The following ZNF33B variants were observed in gnomAD, a reference collection of about 807,000 sequenced individuals.
ZNF33B encodes the protein zinc finger protein 33B, also known as zinc finger protein 11b (KOX 2).
In ZNF33B, 29 loss-of-function variants were observed where a neutral mutation model predicts 45.8. That is an observed-to-expected ratio of 0.63 (90% CI 0.47 to 0.86). The LOEUF is 0.86. Among genes scored for constraint, ZNF33B ranks in the 40% least tolerant of loss-of-function variants. The pLI, the probability that ZNF33B is intolerant of heterozygous loss-of-function variation, is 0.00. For missense variants in ZNF33B, 831 were observed against 909.9 expected, an observed-to-expected ratio of 0.91 and a Z score of 1.12; for synonymous variants, 305 against 307.8, an observed-to-expected ratio of 0.99 and a Z score of 0.10.
At chr10:42,600,489 T>G (rs1837573792) in intron 4 of ZNF33B, among the ~76,000 whole-genome samples, 1 of 152,196 alleles carries the variant, frequency 6.6e-6, no homozygotes, top group South Asian at 2.1e-4. Flanking sequence ...GTCACAGCAC[T>G]GCAGCCTTGT....
Position 42,630,043 on chromosome 10 carries a change from C to G in ZNF33B, c.250+1886G>C, listed in dbSNP as rs1276277657. On this transcript the variant is annotated intron_variant, in intron 4 of 4. Transcript: ENST00000359467. ...CATCAAAAATGATTCTAGAAACTCA[C>G]GAGAAAAATATATTTATCCCCATTT... Among the ~76,000 whole-genome samples, 3 of 152,258 alleles carry G rather than the reference C, an allele frequency of 2.0e-5. No homozygotes were observed. In the East Asian group the frequency reaches 5.8e-4, roughly 29 times the overall value.
At chr10:42,608,793 T>C (rs762855169) in intron 4 of ZNF33B, among the ~76,000 whole-genome samples, 1 of 146,254 alleles carries the variant, frequency 6.8e-6, no homozygotes, top group Non-Finnish European at 1.5e-5. Flanking sequence ...GATTATAGAG[T>C]AAAAATTAGT....
chr10:42,607,754 A>G (rs1837926605), intron 4 of ZNF33B, among the ~76,000 whole-genome samples: 1 of 152,180 alleles, frequency 6.6e-6, no homozygotes, highest in Non-Finnish European at 1.5e-5. Flanking sequence ...AAAAATAGTT[A>G]AGTTGAACCT....
chr10:42,581,419 G>A (rs7083254), intron 1 of ZNF33B, among the ~76,000 whole-genome samples: 16,926 of 141,314 alleles, frequency 0.12, 1,123 homozygotes, highest in African/African-American at 0.18. Flanking sequence ...AGCCCAGATC[G>A]CACCATTGCA....
At chr10:42,619,648 A>G (rs76845299) in intron 4 of ZNF33B, among the ~76,000 whole-genome samples, 6,179 of 152,312 alleles carry the variant, frequency 0.041, 187 homozygotes, top group Non-Finnish European at 0.057. Flanking sequence ...AGGACTTAAA[A>G]GACAAATGGA....
At chr10:42,619,207 T>C (rs919986998) in intron 4 of ZNF33B, among the ~76,000 whole-genome samples, 45 of 151,996 alleles carry the variant, frequency 3.0e-4, no homozygotes, top group African/African-American at 1.1e-3. Context: ...ACCAAGTGAA[T>C]GCTAAATCAG....
At chr10:42,574,777 C>T (rs1399600869) in intron 1 of ZNF33B, 1 of 152,112 alleles carries the variant, frequency 6.6e-6, no homozygotes, top group Non-Finnish European at 1.5e-5. Context: ...AGAAGGGGTA[C>T]AGTGGTTACG....
chr10:42,632,223 A>G, intron 3 of ZNF33B, 72 bp downstream of exon 3: 1 of 1,559,398 alleles, frequency 6.4e-7, no homozygotes. Flanking sequence ...ATTAAACTAG[A>G]CAGACTGCCT....
At chr10:42,607,833 G>C (rs1468095077) in intron 4 of ZNF33B, among the ~76,000 whole-genome samples, 1 of 152,140 alleles carries the variant, frequency 6.6e-6, no homozygotes, top group Non-Finnish European at 1.5e-5. Flanking sequence ...AAAATCATAA[G>C]TCAAACCATT....
chr10:42,611,062 T>G (rs1163426285), intron 4 of ZNF33B, among the ~76,000 whole-genome samples: 1 of 152,180 alleles, frequency 6.6e-6, no homozygotes, highest in African/African-American at 2.4e-5. Flanking sequence ...ATCCCCTTTT[T>G]GGCTGGTCGT....
chr10:42,602,167 T>G (rs940960787), intron 4 of ZNF33B, among the ~76,000 whole-genome samples: 26 of 152,138 alleles, frequency 1.7e-4, no homozygotes, highest in African/African-American at 6.3e-4. Flanking sequence ...GCTCAGGAGA[T>G]CCACCTGCCT....
chr10:42,591,285 A>T lies in ZNF33B; in HGVS notation c.*1328T>A, dbSNP rs1394996675. 9.9e-6 allele frequency: 9 copies of T among 910,732 alleles called. No individual in the cohort carries two copies. The highest frequency in any genetic ancestry group is 7.2e-5 in the African/African-American group (4 of 55,206). 56.4% of individuals were successfully genotyped at this position (910,732 alleles called of 1,614,324 possible). On this transcript the variant is annotated 3_prime_UTR_variant, in exon 5 of 5. Transcript: ENST00000359467. ...TCTTGGAGAGCAGCTGCTTAAAGAA[A>T]ATTTGGACTATCACTTACGCTGAAG...
intron 4 of ZNF33B, among the ~76,000 whole-genome samples, chr10:42,613,717 A>C (rs1482885911): frequency 2.0e-5 from 3 of 152,194 alleles, no homozygotes; most frequent in Admixed American, 6.5e-5. Flanking sequence ...CTTAAGAGAG[A>C]TACAGATGGT....
intron 4 of ZNF33B, among the ~76,000 whole-genome samples, chr10:42,613,159 A>C (rs1321936822): frequency 3.9e-5 from 6 of 152,366 alleles, no homozygotes; most frequent in South Asian, 2.1e-4. Flanking sequence ...TAAGTACTAT[A>C]TTTTAGTTGA....
intron 4 of ZNF33B, among the ~76,000 whole-genome samples, chr10:42,613,954 C>T (rs186847717): frequency 4.9e-4 from 74 of 152,268 alleles, no homozygotes; most frequent in African/African-American, 1.7e-3. Context: ...CTTGCAGTGA[C>T]AGAAAGAAAG....
intron 4 of ZNF33B, among the ~76,000 whole-genome samples, chr10:42,604,548 C>A (rs1436318552): frequency 6.6e-6 from 1 of 152,098 alleles, no homozygotes; most frequent in Non-Finnish European, 1.5e-5. Flanking sequence ...AGTAAGAAGA[C>A]AGAAAAGAAT....
At chr10:42,614,013 G>T (rs1052111843) in intron 4 of ZNF33B, among the ~76,000 whole-genome samples, 1 of 152,198 alleles carries the variant, frequency 6.6e-6, no homozygotes. Context: ...CACTTCTTAC[G>T]TGTGAGTTGT....
intron 1 of ZNF33B, among the ~76,000 whole-genome samples, chr10:42,638,198 G>A (rs1839420854): frequency 6.6e-6 from 1 of 152,236 alleles, no homozygotes; most frequent in South Asian, 2.1e-4. Flanking sequence ...TGCCCCTCCC[G>A]CAAGGCTCAG....
intron 4 of ZNF33B, among the ~76,000 whole-genome samples, chr10:42,607,953 CAT>C (rs1837935979): frequency 6.6e-6 from 1 of 152,086 alleles, no homozygotes; most frequent in Non-Finnish European, 1.5e-5. Context: ...AAAGTCCAAA[CAT>C]GTGCTATCTA....
Sources: allele counts gnomAD v4.1 joint callset (sites outside exome capture counted in the v4.1 genomes callset), GRCh38; gene constraint gnomAD v4.1.1; transcripts MANE v1.5; gene names NCBI Gene and HGNC (gene_info 2026-07-23, HGNC 2026-07-21).